The following PRDM7 variants were observed in gnomAD, a reference collection of about 807,000 sequenced individuals.
PRDM7 encodes PR/SET domain 7.
PRDM7 carries 52 observed loss-of-function variants against 64.3 expected under a neutral mutation model. The ratio of observed to expected loss-of-function variants is 0.81; its 90% CI spans 0.65 to 1.02. The LOEUF (loss-of-function observed/expected upper bound fraction) is 1.02, where lower values mean the gene tolerates loss of function less well. Ranked by LOEUF, PRDM7 falls within the 50% of genes least tolerant of loss-of-function variation. The pLI is 0.00. For missense variants in PRDM7, 574 were observed against 597.1 expected, an observed-to-expected ratio of 0.96 and a Z score of 0.40; for synonymous variants, 192 against 210.1, an observed-to-expected ratio of 0.91 and a Z score of 0.74.
At chr16:90,076,264 G>A (rs557168424) in intron 1 of PRDM7, among the ~76,000 whole-genome samples, 3 of 152,280 alleles carry the variant, frequency 2.0e-5, no homozygotes, top group African/African-American at 7.2e-5. Flanking sequence ...GTGCCTGGAG[G>A]GTTGTAGCTA....
intron 6 of PRDM7, 69 bp from the exon 7 acceptor site, chr16:90,062,571 T>C (rs2037801255): frequency 9.2e-6 from 12 of 1,307,762 alleles, no homozygotes; most frequent in African/African-American, 1.5e-5. Context: ...CATAAGAAAA[T>C]GTGAAATCTC....
At position 90,063,482 on chromosome 16, in the gene PRDM7, C is replaced by G. The variant is rs189396057; in HGVS notation, c.508+130G>C. On this transcript the variant is annotated intron_variant, in intron 6 of 10. Transcript: ENST00000449207. ...AATTTTAACAAAATACTGCATCTAA[C>G]TTCTGGTCTCACAGTTGAGTCCAGC... 39 of 940,880 alleles carry G rather than the reference C, an allele frequency of 4.1e-5. No individual in the cohort carries two copies. In the African/African-American group the frequency reaches 6.0e-4, roughly 14 times the overall value. The allele number at this position is 940,880 out of a possible 1,614,324, so 58.3% of individuals were successfully genotyped here.
chr16:90,066,827 G>C, intron 5 of PRDM7, 34 bp downstream of exon 5: 1 of 1,525,786 alleles, frequency 6.6e-7, no homozygotes, highest in African/African-American at 1.4e-5. Context: ...CTATGAGGAA[G>C]GTTTCTTGTC....
intron 4 of PRDM7, among the ~76,000 whole-genome samples, chr16:90,073,292 G>C (rs763803115): frequency 7.9e-5 from 12 of 151,932 alleles, no homozygotes; most frequent in Non-Finnish European, 1.2e-4. Context: ...ATTGGTGTTA[G>C]AAAGCTTTTT....
intron 10 of PRDM7, 38 bp from the exon 11 acceptor site, chr16:90,058,572 T>C (rs1177429779): frequency 6.3e-7 from 1 of 1,591,650 alleles, no homozygotes; most frequent in Non-Finnish European, 8.6e-7. Flanking sequence ...AGATGTTTTG[T>C]TCAGGCCTTA....
intron 10 of PRDM7, among the ~76,000 whole-genome samples, chr16:90,059,982 C>T (rs2037744498): frequency 6.6e-6 from 1 of 152,170 alleles, no homozygotes; most frequent in South Asian, 2.1e-4. Context: ...GAATGAATAA[C>T]AACATATGCG....
chr16:90,058,635 T>C, intron 10 of PRDM7, 101 bp from the exon 11 acceptor site: 1 of 1,400,000 alleles, frequency 7.1e-7, no homozygotes, highest in Non-Finnish European at 1.0e-6. Context: ...CTTCATATGT[T>C]AACAATGCAA....
chr16:90,060,289 T>C, intron 10 of PRDM7, 52 bp downstream of exon 10: 1 of 1,613,300 alleles, frequency 6.2e-7, no homozygotes, highest in Non-Finnish European at 8.5e-7. Flanking sequence ...GAAAATTCTC[T>C]AGGATAATTC....
Position 90,057,946 on chromosome 16 carries a change from C to G in PRDM7, c.*343G>C. 1 of 1,597,246 alleles carries G rather than the reference C, an allele frequency of 6.3e-7. No homozygotes were observed. The highest frequency in any genetic ancestry group is 8.6e-7 in the Non-Finnish European group (1 of 1,168,956). On this transcript the variant is annotated 3_prime_UTR_variant, in exon 11 of 11. Coordinates refer to ENST00000449207, the MANE Select transcript of PRDM7 (RefSeq NM_001098173.2). ...GCTCACACTCTCTGCAGACATAAGGCTTCTCCCCTGTGTGTGTCCTCTGGT... is the reference window on the plus strand; with the variant it reads ...GCTCACACTCTCTGCAGACATAAGGGTTCTCCCCTGTGTGTGTCCTCTGGT...
chr16:90,057,872 C>T lies in PRDM7; in HGVS notation c.*417G>A. The T allele has an allele frequency of 1.3e-6, 2 of 1,514,918 alleles. No individual in the cohort carries two copies. The highest frequency in any genetic ancestry group is 1.8e-6 in the Non-Finnish European group (2 of 1,111,696). The allele number at this position is 1,514,918 out of a possible 1,614,324, so 93.8% of individuals were successfully genotyped here. ...CTTCCTGCAGACTGGGGCGTCTCCC[C>T]TGTGTGTCCTCTGGTGAATGAGGAG... On this transcript the variant is annotated 3_prime_UTR_variant, in exon 11 of 11. Coordinates refer to ENST00000449207, the MANE Select transcript of PRDM7 (RefSeq NM_001098173.2).
chr16:90,066,807 G>A (rs2037880491), intron 5 of PRDM7, 54 bp downstream of exon 5: 8 of 1,451,910 alleles, frequency 5.5e-6, no homozygotes, highest in South Asian at 2.3e-5. Context: ...TCTCTTACCT[G>A]TATTTGGATC....
chr16:90,058,911 GC>G (rs2151304791), intron 10 of PRDM7, among the ~76,000 whole-genome samples: 1 of 152,174 alleles, frequency 6.6e-6, no homozygotes, highest in African/African-American at 2.4e-5. Context: ...CCCTCCCTGG[GC>G]CCTGGGCACT....
At chr16:90,059,203 G>C (rs1384143993) in intron 10 of PRDM7, among the ~76,000 whole-genome samples, 2 of 152,316 alleles carry the variant, frequency 1.3e-5, no homozygotes, top group Non-Finnish European at 2.9e-5. Context: ...AGGTCCCACT[G>C]ACTAAAGGAC....
At chr16:90,073,121 G>C (rs985101411) in intron 4 of PRDM7, among the ~76,000 whole-genome samples, 2 of 152,046 alleles carry the variant, frequency 1.3e-5, no homozygotes, top group African/African-American at 4.8e-5. Flanking sequence ...GAAAGATCAG[G>C]GCAACTAAAC....
intron 8 of PRDM7, 85 bp downstream of exon 8, chr16:90,061,836 C>G: frequency 6.3e-7 from 1 of 1,582,072 alleles, no homozygotes; most frequent in Middle Eastern, 1.7e-4. Flanking sequence ...CTACCTATAT[C>G]CTAACATGTA....
intron 4 of PRDM7, among the ~76,000 whole-genome samples, chr16:90,071,800 G>A (rs2037960666): frequency 6.6e-6 from 1 of 152,200 alleles, no homozygotes; most frequent in Admixed American, 6.5e-5. Context: ...GTAAAATGGT[G>A]CAGACACTGT....
At chr16:90,063,234 C>T (rs2037812380) in intron 6 of PRDM7, among the ~76,000 whole-genome samples, 1 of 152,118 alleles carries the variant, frequency 6.6e-6, no homozygotes, top group Non-Finnish European at 1.5e-5. Context: ...TTACTTGAGG[C>T]CAGGAGTTTG....
Position 90,061,534 on chromosome 16 carries a change from A to C in PRDM7, c.883-15T>G, listed in dbSNP as rs757538605. 2 of 1,580,662 alleles carry C rather than the reference A, an allele frequency of 1.3e-6. No homozygotes were observed. The highest frequency in any genetic ancestry group is 1.7e-6 in the Non-Finnish European group (2 of 1,149,468). On this transcript the variant is annotated splice_polypyrimidine_tract_variant and intron_variant, in intron 8 of 10. Coordinates refer to ENST00000449207, the MANE Select transcript of PRDM7 (RefSeq NM_001098173.2). ...CCCTTGGTGATCTGAGTTTCAAAAA[A>C]TAAGGTAAAGACTTTTTAGAGGGTA...
At chr16:90,067,564 G>A (rs969328342) in intron 4 of PRDM7, among the ~76,000 whole-genome samples, 5 of 148,206 alleles carry the variant, frequency 3.4e-5, no homozygotes, top group Admixed American at 1.3e-4. Context: ...TCACCTCGAC[G>A]TAAAAAGGTC....
Sources: gnomAD v4.1 joint callset for allele counts (sites outside exome capture counted in the v4.1 genomes callset) on GRCh38, gnomAD v4.1.1 for gene constraint, MANE v1.5 for transcripts, NCBI Gene and HGNC (gene_info 2026-07-23, HGNC 2026-07-21) for gene names.